Variants in ZNF248 observed in about 807,000 individuals in gnomAD.
ZNF248 encodes the protein zinc finger protein 248.
Under a neutral mutation model 44.3 loss-of-function variants are expected in ZNF248, and 20 were observed. That is an observed-to-expected ratio of 0.45 (90% CI 0.32 to 0.66). ZNF248 has a LOEUF of 0.66. Ranked by LOEUF, ZNF248 falls within the 30% of genes least tolerant of loss-of-function variation. ZNF248 has a pLI of 0.04. For synonymous variants in ZNF248, 224 were observed against 229.0 expected, an observed-to-expected ratio of 0.98 and a Z score of 0.20; for missense variants, 654 against 677.0, an observed-to-expected ratio of 0.97 and a Z score of 0.38.
chr10:37,852,774 GTTT>G (rs2060530953), intron 3 of ZNF248, among the ~76,000 whole-genome samples: 1 of 151,198 alleles, frequency 6.6e-6, no homozygotes, highest in South Asian at 2.1e-4. Flanking sequence ...CACATTTTGT[GTTT>G]TTATTTAATT....
At chr10:37,852,002 C>A (rs1164682843) in intron 3 of ZNF248, among the ~76,000 whole-genome samples, 1 of 151,970 alleles carries the variant, frequency 6.6e-6, no homozygotes, top group Non-Finnish European at 1.5e-5. Flanking sequence ...ATTCCCAGCA[C>A]TCTGGGAGGC....
intron 6 of ZNF248, among the ~76,000 whole-genome samples, chr10:37,784,341 G>A (rs2047642026): frequency 6.6e-6 from 1 of 152,166 alleles, no homozygotes; most frequent in Non-Finnish European, 1.5e-5. Flanking sequence ...CTCAGCCCTT[G>A]AGTGAATAAT....
At chr10:37,764,030 G>A in the ZNF248 span, among the ~76,000 whole-genome samples, 17 of 152,226 alleles carry the variant, frequency 1.1e-4, no homozygotes, top group African/African-American at 3.9e-4. Context: ...CAGGATAACA[G>A]TGATGTTCAG....
In ZNF248 at chr10:37,832,649, G is replaced by C. The variant is rs1217011712; in HGVS notation, c.706C>G (p.Gln236Glu). 1 of 1,613,192 alleles carries C rather than the reference G, an allele frequency of 6.2e-7. No homozygotes were observed. Among genetic ancestry groups the C allele is most frequent in the South Asian group, 1.1e-5 (1 of 91,062 alleles). ...EAAFFTNKRS[Q>E]IGETVCKYNE... The stretch of plus-strand genomic sequence containing the variant: ...TATTTACAGACTGTCTCTCCTATCT[G>C]AGATCTCTTATTTGTAAAAAATGCT... Residue 236 changes from glutamine to glutamate, a missense_variant, in exon 6 of 6, where the codon CAG becomes GAG. Physicochemically the swap from Gln to Glu is conservative, Grantham distance 29 (BLOSUM62 2). Transcript: ENST00000395867.
chr10:37,807,542 G>A (rs2050762433), intron 6 of ZNF248, among the ~76,000 whole-genome samples: 1 of 152,098 alleles, frequency 6.6e-6, no homozygotes, highest in African/African-American at 2.4e-5. Context: ...ACAATATTAA[G>A]TCTTCCTATC....
At chr10:37,839,740 C>A (rs1419955696) in intron 3 of ZNF248, among the ~76,000 whole-genome samples, 3 of 152,226 alleles carry the variant, frequency 2.0e-5, no homozygotes, top group African/African-American at 7.2e-5. Flanking sequence ...AGACTTAACA[C>A]CCCTGTAAGT....
chr10:37,766,794 G>A, the ZNF248 span, among the ~76,000 whole-genome samples: 1 of 152,186 alleles, frequency 6.6e-6, no homozygotes, highest in East Asian at 1.9e-4. Flanking sequence ...GACGAGCTGA[G>A]AGAAGAAGGC....
intron 5 of ZNF248, among the ~76,000 whole-genome samples, chr10:37,835,496 GACT>G (rs1180645667): frequency 3.3e-5 from 5 of 152,130 alleles, no homozygotes; most frequent in African/African-American, 1.2e-4. Flanking sequence ...ATTGTCCCAA[GACT>G]ACTCTCACCT....
chr10:37,771,995 A>C (rs2046262481), downstream of ZNF248, among the ~76,000 whole-genome samples: 1 of 152,184 alleles, frequency 6.6e-6, no homozygotes, highest in Non-Finnish European at 1.5e-5. Flanking sequence ...GGCCGGCTGC[A>C]GTGGCTCATA....
chr10:37,827,491 G>A (rs1053584436), downstream of ZNF248, among the ~76,000 whole-genome samples: 3 of 152,170 alleles, frequency 2.0e-5, no homozygotes, highest in Non-Finnish European at 4.4e-5. Flanking sequence ...CTTCATAAGT[G>A]CTGTCTAGGA....
intron 3 of ZNF248, among the ~76,000 whole-genome samples, chr10:37,848,838 A>G (rs1458665663): frequency 1.3e-5 from 2 of 152,200 alleles, no homozygotes; most frequent in African/African-American, 2.4e-5. Context: ...AGACAGTAAT[A>G]GAGGACACAC....
At chr10:37,825,870 C>A (rs539587725), downstream of ZNF248, among the ~76,000 whole-genome samples, 3 of 147,080 alleles carry the variant, frequency 2.0e-5, no homozygotes, top group South Asian at 4.3e-4. Flanking sequence ...TTGAAGACGA[C>A]AACTTGGTTG....
rs2057533031 is a variant in ZNF248, at chr10:37,837,849, A to C, written c.142+136T>G. ...CAAATGAACCAATCTCTGACAAGGC[A>C]AGAGCACCTTTATGGTGGCCAAATG... On this transcript the variant is annotated intron_variant, in intron 4 of 5. Coordinates refer to ENST00000395867, the MANE Select transcript of ZNF248 (RefSeq NM_021045.3). The C allele has an allele frequency of 4.4e-6, 6 of 1,375,392 alleles. No individual in the cohort carries two copies. In the South Asian group the frequency reaches 8.1e-5, roughly 19 times the overall value. The allele number at this position is 1,375,392 out of a possible 1,614,324, so 85.2% of individuals were successfully genotyped here.
chr10:37,846,180 A>C (rs1450511939), intron 3 of ZNF248, among the ~76,000 whole-genome samples: 1 of 152,184 alleles, frequency 6.6e-6, no homozygotes, highest in African/African-American at 2.4e-5. Context: ...TCTTGCTGCA[A>C]ATCCCAATGT....
In ZNF248 at chr10:37,777,745, T is replaced by C. The variant is rs1049126933; in HGVS notation, c.331-1170A>G. 4.4e-4 allele frequency among the ~76,000 whole-genome samples: 63 copies of C among 143,860 alleles called. No homozygotes were observed. In the Admixed American group the frequency reaches 4.4e-3, roughly 10 times the overall value. The allele number at this position is 143,860 out of a possible 152,430, so 94.4% of individuals were successfully genotyped here. A position where few individuals can be genotyped will look rare whatever the true frequency, so the allele number is the denominator to read the frequency against. ...ATTCCCCTTCTTGTGTCCATGTGATTTCATTGTTCAATTCCCACTTATGAG... is the reference window on the plus strand; with the variant it reads ...ATTCCCCTTCTTGTGTCCATGTGATCTCATTGTTCAATTCCCACTTATGAG... On this transcript the variant is annotated intron_variant, in intron 6 of 6. Transcript: ENST00000615949.
chr10:37,772,081 A>C (rs1163487182), downstream of ZNF248, among the ~76,000 whole-genome samples: 3 of 152,150 alleles, frequency 2.0e-5, no homozygotes, highest in Non-Finnish European at 4.4e-5. Context: ...CATGACCAAC[A>C]TGGTGAAACC....
At chr10:37,786,425 G>A (rs893343507) in intron 6 of ZNF248, among the ~76,000 whole-genome samples, 1 of 152,044 alleles carries the variant, frequency 6.6e-6, no homozygotes, top group Admixed American at 6.5e-5. Context: ...TGTAGAGTAG[G>A]CAACCAACAA....
At chr10:37,766,959 G>A in the ZNF248 span, among the ~76,000 whole-genome samples, 12 of 152,210 alleles carry the variant, frequency 7.9e-5, no homozygotes, top group Admixed American at 5.2e-4. Flanking sequence ...GCCAAGGCTC[G>A]AGAACTACGT....
intron 3 of ZNF248, among the ~76,000 whole-genome samples, chr10:37,847,306 A>C (rs1035859705): frequency 6.6e-6 from 1 of 152,134 alleles, no homozygotes; most frequent in Non-Finnish European, 1.5e-5. Flanking sequence ...CTATATACAC[A>C]TACATATTTT....
Sources: gnomAD v4.1 joint callset for allele counts (sites outside exome capture counted in the v4.1 genomes callset) on GRCh38, gnomAD v4.1.1 for gene constraint, MANE v1.5 for transcripts, NCBI Gene and HGNC (gene_info 2026-07-23, HGNC 2026-07-21) for gene names.